Variants in RBM33 observed in about 807,000 individuals in gnomAD.
RBM33 encodes the protein RNA binding motif protein 33, also known as RNA-binding protein 33.
A neutral mutation model predicts 132.6 loss-of-function variants in RBM33; 28 were observed. The ratio of observed to expected loss-of-function variants is 0.21; its 90% CI spans 0.16 to 0.29. The LOEUF (loss-of-function observed/expected upper bound fraction) is 0.29. RBM33 is among the 10% of genes least tolerant of loss of function. RBM33 has a pLI of 1.00. For synonymous variants in RBM33, 634 were observed against 593.0 expected, an observed-to-expected ratio of 1.07 and a Z score of -1.01; for missense variants, 1,291 against 1,518.5, an observed-to-expected ratio of 0.85 and a Z score of 2.49.
chr7:155,702,509 G>T (rs1176211140), intron 6 of RBM33, among the ~76,000 whole-genome samples: 2 of 152,164 alleles, frequency 1.3e-5, no homozygotes, highest in African/African-American at 4.8e-5. Context: ...TCTGGCATTG[G>T]CCTTAGGTGA....
chr7:155,712,505 T>C (rs1281391837), intron 8 of RBM33, among the ~76,000 whole-genome samples: 1 of 152,182 alleles, frequency 6.6e-6, no homozygotes, highest in African/African-American at 2.4e-5. Flanking sequence ...ATGTGGCATG[T>C]TAGAAGATGA....
intron 14 of RBM33, among the ~76,000 whole-genome samples, chr7:155,750,541 CTG>C (rs1801657623): frequency 6.6e-6 from 1 of 152,114 alleles, no homozygotes; most frequent in Non-Finnish European, 1.5e-5. Context: ...TTTTGCATCT[CTG>C]TAACCTTGGT....
chr7:155,742,886 G>A (rs369126869), intron 13 of RBM33, among the ~76,000 whole-genome samples: 11 of 152,228 alleles, frequency 7.2e-5, no homozygotes, highest in East Asian at 5.8e-4. Context: ...CACCTGGAGG[G>A]CGTGTCAGCC....
chr7:155,745,058 G>C lies in RBM33; in HGVS notation c.2435G>C (p.Arg812Pro), dbSNP rs1289388864. 1 of 1,607,610 alleles carries C rather than the reference G, an allele frequency of 6.2e-7. No homozygotes were observed. Among genetic ancestry groups the C allele is most frequent in the Non-Finnish European group, 8.5e-7 (1 of 1,177,010 alleles). ...EEILKQKELR[R>P]QQQAGARKKE... is the part of the protein sequence containing the mutation. Reference sequence around the variant, plus strand: ...ATCCTGAAACAGAAGGAGTTACGGCGGCAGCAGCAGGCTGGTGCCAGGAAG... The same window carrying C: ...ATCCTGAAACAGAAGGAGTTACGGCCGCAGCAGCAGGCTGGTGCCAGGAAG... The change falls in exon 14 of 18, where the codon CGG becomes CCG. Residue 812 changes from arginine to proline, a missense_variant. Transcript: ENST00000401878. The surrounding 1 kb of genome is among the most constrained non-coding windows in gnomAD (Gnocchi z 4.1).
At chr7:155,673,951 T>TTTG (rs1563138401) in intron 3 of RBM33, among the ~76,000 whole-genome samples, 1,582 of 108,618 alleles carry the variant, frequency 0.015, 144 homozygotes, top group African/African-American at 0.053. Flanking sequence ...TTTTTTTTTT[T>TTTG]TTTTTTTTTT....
intron 5 of RBM33, among the ~76,000 whole-genome samples, chr7:155,684,513 C>G (rs1799419438): frequency 6.6e-6 from 1 of 152,146 alleles, no homozygotes; most frequent in Non-Finnish European, 1.5e-5. Context: ...TAAAAAGCTC[C>G]TCTGTTTAAT....
intron 5 of RBM33, among the ~76,000 whole-genome samples, chr7:155,691,294 C>A (rs1799632707): frequency 6.6e-6 from 1 of 152,102 alleles, no homozygotes; most frequent in African/African-American, 2.4e-5. Flanking sequence ...TCACGTAGTT[C>A]TCGTGCCATG....
chr7:155,653,705 T>C (rs975217149), intron 1 of RBM33, among the ~76,000 whole-genome samples: 2 of 152,228 alleles, frequency 1.3e-5, no homozygotes, highest in African/African-American at 4.8e-5. Flanking sequence ...CCCTTCAGAC[T>C]GGCCCTGTGT....
intron 14 of RBM33, among the ~76,000 whole-genome samples, chr7:155,754,518 G>A (rs1407697805): frequency 2.6e-5 from 4 of 152,232 alleles, no homozygotes; most frequent in African/African-American, 9.6e-5. Context: ...CACAGCATCT[G>A]GAGGTGCCTG....
At chr7:155,717,123 T>G (rs745556866) in intron 8 of RBM33, among the ~76,000 whole-genome samples, 1 of 152,176 alleles carries the variant, frequency 6.6e-6, no homozygotes, top group Non-Finnish European at 1.5e-5. Flanking sequence ...AGCAGAAACT[T>G]CTTAAATTAA....
chr7:155,766,395 C>CT, intron 15 of RBM33, 72 bp from the exon 16 acceptor site: 1 of 1,497,128 alleles, frequency 6.7e-7, no homozygotes, highest in South Asian at 1.2e-5. Context: ...TATTTGTTCA[C>CT]TTTTATATCT....
chr7:155,685,183 G>A, intron 5 of RBM33: 1 of 903,226 alleles, frequency 1.1e-6, no homozygotes, highest in Non-Finnish European at 1.6e-6. Flanking sequence ...TGAAAAACTT[G>A]AACTTTCTAG....
intron 1 of RBM33, among the ~76,000 whole-genome samples, chr7:155,663,249 A>G (rs1051080643): frequency 2.8e-5 from 4 of 144,572 alleles, no homozygotes; most frequent in Admixed American, 2.8e-4. Flanking sequence ...TGGTAATTGT[A>G]TTAGGCCATT....
intron 8 of RBM33, among the ~76,000 whole-genome samples, chr7:155,715,921 T>G (rs976771150): frequency 6.6e-6 from 1 of 152,258 alleles, no homozygotes; most frequent in Non-Finnish European, 1.5e-5. Context: ...CATCTTCTTC[T>G]GATGGCACAG....
At position 155,744,969 on chromosome 7, in the gene RBM33, TGAA is replaced by T; in HGVS notation, c.2349_2351del (p.Glu783del). On this transcript the variant is annotated inframe_deletion, in exon 14 of 18. Transcript: ENST00000401878. ...TATGTTTTCCATTTTAGTTTCCTGA[TGAA>T]GATGAGGAAACAAGGTTATATCGCT... 2 of 1,560,002 alleles carry T rather than the reference TGAA, an allele frequency of 1.3e-6. No homozygotes were observed. Among genetic ancestry groups the T allele is most frequent in the Non-Finnish European group, 1.7e-6 (2 of 1,157,308 alleles).
intron 11 of RBM33, 164 bp downstream of exon 11, chr7:155,738,567 A>G (rs895720948): frequency 4.3e-6 from 3 of 690,956 alleles, no homozygotes; most frequent in Middle Eastern, 3.9e-4. Context: ...TTTTTCAACA[A>G]TGTTACTTAT....
At position 155,679,513 on chromosome 7, in the gene RBM33, A is replaced by T. The variant is rs561961720; in HGVS notation, c.248+829A>T. On this transcript the variant is annotated intron_variant, in intron 4 of 17. Transcript: ENST00000401878. ...ATTAAAAGAGGAGAGACACACTGGT[A>T]GGTGGAATAATAGTTTTTATTTTAT... 7.1e-3 allele frequency among the ~76,000 whole-genome samples: 1,067 copies of T among 150,058 alleles called. 18 individuals carry two copies. The highest frequency in any genetic ancestry group is 0.024 in the African/African-American group (1,003 of 40,944).
intron 9 of RBM33, among the ~76,000 whole-genome samples, chr7:155,730,876 A>G (rs1445672323): frequency 6.6e-6 from 1 of 152,214 alleles, no homozygotes; most frequent in African/African-American, 2.4e-5. Context: ...GAAAATCACA[A>G]TATTAAAGTT....
At chr7:155,665,149 C>T (rs1461599613) in intron 1 of RBM33, 26 bp from the exon 2 acceptor site, 5 of 1,604,140 alleles carry the variant, frequency 3.1e-6, no homozygotes, top group African/African-American at 2.7e-5. Flanking sequence ...CTTAGTAAAA[C>T]TGACTTCAAT....
Sources: allele counts gnomAD v4.1 joint callset (sites outside exome capture counted in the v4.1 genomes callset), GRCh38; gene constraint gnomAD v4.1.1; non-coding constraint Gnocchi (gnomAD v3.1); transcripts MANE v1.5; gene names NCBI Gene and HGNC (gene_info 2026-07-23, HGNC 2026-07-21).